SRRM4: variants seen among roughly 807,000 people sequenced by gnomAD.
The protein encoded by SRRM4 is serine/arginine repetitive matrix 4.
SRRM4 carries 33 observed loss-of-function variants against 68.9 expected under a neutral mutation model. That is an observed-to-expected ratio of 0.48 (90% CI 0.36 to 0.64). The LOEUF is 0.64. Among genes scored for constraint, SRRM4 ranks in the 30% least tolerant of loss-of-function variants. SRRM4 has a pLI of 0.00. For missense variants in SRRM4, 817 were observed against 827.1 expected (o/e 0.99, Z 0.15); for synonymous variants, 318 against 318.8 (o/e 1.00, Z 0.03).
intron 7 of SRRM4, among the ~76,000 whole-genome samples, chr12:119,128,261 A>G (rs1275877554): frequency 6.6e-6 from 1 of 152,148 alleles, no homozygotes; most frequent in South Asian, 2.1e-4. Flanking sequence ...AAAAGTGACC[A>G]AGCATCTCTC....
rs572846035 is a variant in SRRM4 at position 119,074,575 on chromosome 12, T to C, written c.132-27661T>C. The stretch of plus-strand genomic sequence containing the variant: ...TACATATGAAGAGGAAAAGAGTAGG[T>C]ATCACCTCTGGCTCTATATTAGAAT... On this transcript the variant is annotated intron_variant, in intron 1 of 12. Transcript: ENST00000267260. Among the ~76,000 whole-genome samples the C allele has an allele frequency of 7.9e-5, 12 of 152,240 alleles. No individual in the cohort carries two copies. In the South Asian group the frequency reaches 2.5e-3, roughly 32 times the overall value.
chr12:119,011,221 GAC>G (rs1953446992), intron 1 of SRRM4, among the ~76,000 whole-genome samples: 1 of 152,118 alleles, frequency 6.6e-6, no homozygotes, highest in Non-Finnish European at 1.5e-5. Flanking sequence ...GTAGGTGGAA[GAC>G]ACATACATGG....
At chr12:119,013,803 G>A (rs1027271616) in intron 1 of SRRM4, among the ~76,000 whole-genome samples, 1 of 151,770 alleles carries the variant, frequency 6.6e-6, no homozygotes, top group African/African-American at 2.4e-5. Flanking sequence ...TAAACATTTT[G>A]GTACATTTAT....
chr12:118,994,582 T>G (rs1358453253), intron 1 of SRRM4, among the ~76,000 whole-genome samples: 1 of 152,184 alleles, frequency 6.6e-6, no homozygotes, highest in Non-Finnish European at 1.5e-5. Flanking sequence ...ACCAAGCAAA[T>G]GTCAGTTCTG....
chr12:119,117,053 G>A lies in SRRM4; in HGVS notation c.437+45G>A, dbSNP rs117946576. ...CAAACAAGACCTCCCCAGGTGGGGT[G>A]GGGAGGACAGTTGATGGCACTAAAA... On this transcript the variant is annotated intron_variant, in intron 4 of 12. Transcript: ENST00000267260. 2.9e-4 allele frequency: 452 copies of A among 1,560,628 alleles called. 4 individuals are homozygous for A. In the East Asian group the frequency reaches 1.0e-2, roughly 35 times the overall value.
In SRRM4 at chr12:119,160,250, C is replaced by CCTCT. The variant is rs765793244; in HGVS notation, c.*3463_*3466dup. The CCTCT allele has an allele frequency of 4.2e-5, 6 of 143,632 alleles. No individual in the cohort carries two copies. Among genetic ancestry groups the CCTCT allele is most frequent in the African/African-American group, 1.6e-4 (6 of 37,308 alleles). 8.9% of individuals were successfully genotyped at this position (143,632 alleles called of 1,614,324 possible). A position where few individuals can be genotyped will look rare whatever the true frequency, so the allele number is the denominator to read the frequency against. Reference sequence around the variant, plus strand: ...AATGCCTGCTTCGGGGAAATCTCTGCCTCTCTCTCTCTCTGTCTCTCTCTC... The same window carrying CCTCT: ...AATGCCTGCTTCGGGGAAATCTCTGCCTCTCTCTCTCTCTCTCTGTCTCTCTCTC... On this transcript the variant is annotated 3_prime_UTR_variant, in exon 13 of 13. Transcript: ENST00000267260.
At chr12:119,115,286 T>C (rs1954171702) in intron 3 of SRRM4, among the ~76,000 whole-genome samples, 1 of 152,112 alleles carries the variant, frequency 6.6e-6, no homozygotes. Flanking sequence ...TGGTATCCTA[T>C]GCATTTTTTC....
chr12:119,087,543 G>A (rs1048594672), intron 1 of SRRM4, among the ~76,000 whole-genome samples: 1 of 152,130 alleles, frequency 6.6e-6, no homozygotes, highest in Admixed American at 6.5e-5. Context: ...GAGGTTTCAT[G>A]GTCCCCAGAA....
At chr12:119,051,910 C>T (rs570372816) in intron 1 of SRRM4, among the ~76,000 whole-genome samples, 2 of 152,194 alleles carry the variant, frequency 1.3e-5, no homozygotes, top group Non-Finnish European at 2.9e-5. Context: ...GGCCCATCTG[C>T]ACTTCTATTA....
intron 1 of SRRM4, among the ~76,000 whole-genome samples, chr12:119,069,935 T>C (rs1321204381): frequency 2.0e-5 from 3 of 152,078 alleles, no homozygotes; most frequent in African/African-American, 7.2e-5. Context: ...GTCATATAGA[T>C]ACCATAAATG....
intron 2 of SRRM4, among the ~76,000 whole-genome samples, chr12:119,106,061 T>C (rs938788259): frequency 5.3e-5 from 8 of 152,226 alleles, no homozygotes; most frequent in African/African-American, 1.9e-4. Context: ...ACTTATTAAA[T>C]AGGGAATCCA....
At chr12:118,987,532 A>G (rs1953290252) in intron 1 of SRRM4, among the ~76,000 whole-genome samples, 1 of 152,212 alleles carries the variant, frequency 6.6e-6, no homozygotes, top group Non-Finnish European at 1.5e-5. Context: ...CACTAATCAA[A>G]GGAAGTGTTT....
rs147668904 is a variant in SRRM4, at chr12:119,100,926, C to T, written c.132-1310C>T. Among the ~76,000 whole-genome samples, 374 of 152,296 alleles carry T rather than the reference C, an allele frequency of 2.5e-3. 2 individuals carry two copies. Among genetic ancestry groups the T allele is most frequent in the African/African-American group, 8.7e-3 (363 of 41,574 alleles). On this transcript the variant is annotated intron_variant, in intron 1 of 12. Coordinates refer to ENST00000267260, the MANE Select transcript of SRRM4 (RefSeq NM_194286.4). ...GGCTGAGAAGCCCTAATTAGAATCT[C>T]CAGCCCTCCAGGGCTTGCAGTATCT...
At chr12:119,076,653 T>G (rs1953918176) in intron 1 of SRRM4, among the ~76,000 whole-genome samples, 1 of 152,172 alleles carries the variant, frequency 6.6e-6, no homozygotes. Flanking sequence ...GAAAATTTAT[T>G]TTGGGAAGTT....
At chr12:119,147,271 A>G (rs1169238436) in intron 9 of SRRM4, among the ~76,000 whole-genome samples, 2 of 152,240 alleles carry the variant, frequency 1.3e-5, no homozygotes, top group Non-Finnish European at 2.9e-5. Context: ...AAAACTATGG[A>G]GAAAGTACAA....
At chr12:119,156,196 A>G (rs1189377121) in intron 12 of SRRM4, among the ~76,000 whole-genome samples, 2 of 152,238 alleles carry the variant, frequency 1.3e-5, no homozygotes. Flanking sequence ...ATAGGAAAAC[A>G]AAACTATGAT....
intron 1 of SRRM4, among the ~76,000 whole-genome samples, chr12:119,011,795 G>A (rs779768415): frequency 2.0e-5 from 3 of 152,098 alleles, no homozygotes; most frequent in South Asian, 2.1e-4. Flanking sequence ...TGCCATTGCC[G>A]AGTGTCAGTT....
rs1316856398 is a variant in SRRM4, at chr12:119,127,663, G to A, written c.614+2184G>A. The stretch of plus-strand genomic sequence containing the variant: ...GAATCACTTGAACCCAGGAGACGGA[G>A]GTTGCAGTGAGCCAAGATTGCACCA... On this transcript the variant is annotated intron_variant, in intron 7 of 12. Coordinates refer to ENST00000267260, the MANE Select transcript of SRRM4 (RefSeq NM_194286.4). 4.0e-5 allele frequency among the ~76,000 whole-genome samples: 6 copies of A among 151,884 alleles called. No homozygotes were observed. The East Asian group carries it at 7.7e-4, about 20-fold the overall frequency.
At chr12:119,064,580 T>C (rs1953834211) in intron 1 of SRRM4, among the ~76,000 whole-genome samples, 1 of 152,212 alleles carries the variant, frequency 6.6e-6, no homozygotes, top group Non-Finnish European at 1.5e-5. Context: ...ATAACTCCGC[T>C]CTTAACCTGC....
Sources: allele counts gnomAD v4.1 joint callset (sites outside exome capture counted in the v4.1 genomes callset), GRCh38; gene constraint gnomAD v4.1.1; transcripts MANE v1.5; gene names NCBI Gene and HGNC (gene_info 2026-07-23, HGNC 2026-07-21).